VPS13C: variants seen among roughly 807,000 people sequenced by gnomAD.
VPS13C encodes vacuolar protein sorting 13 homolog C.
VPS13C carries 358 observed loss-of-function variants against 456.8 expected under a neutral mutation model. The observed-to-expected ratio is 0.78, with a 90% CI of 0.72 to 0.86. VPS13C has a LOEUF of 0.86. VPS13C is among the 40% of genes least tolerant of loss of function. The probability of loss-of-function intolerance (pLI) is 0.00; values close to 1 mark genes in which losing one functional copy is unlikely to be tolerated. For missense variants in VPS13C, 4,818 were observed against 4,385.4 expected, an observed-to-expected ratio of 1.10 and a Z score of -2.79; for synonymous variants, 1,578 against 1,486.7, an observed-to-expected ratio of 1.06 and a Z score of -1.41.
intron 5 of VPS13C, among the ~76,000 whole-genome samples, chr15:62,029,897 C>T (rs1437902802): frequency 6.6e-6 from 1 of 152,066 alleles, no homozygotes; most frequent in East Asian, 1.9e-4. Context: ...TCCGGTGCAT[C>T]CATTCTTAAA....
intron 57 of VPS13C, among the ~76,000 whole-genome samples, chr15:61,919,652 G>A (rs2043585504): frequency 6.6e-6 from 1 of 151,414 alleles, no homozygotes; most frequent in African/African-American, 2.4e-5. Flanking sequence ...GTTTTGCTTG[G>A]GGTTTTGAAT....
At chr15:62,024,141 G>A (rs924246717) in intron 6 of VPS13C, among the ~76,000 whole-genome samples, 1 of 151,860 alleles carries the variant, frequency 6.6e-6, no homozygotes, top group Non-Finnish European at 1.5e-5. Context: ...TAATATTAAT[G>A]ACTTTACAAA....
In VPS13C at chr15:61,961,696, C is replaced by T. The variant is rs750385052; in HGVS notation, c.3801G>A (p.Gly1267=). ...ISTNAVVVDL[G]LIRVHNQFSL... is the part of the protein sequence containing the mutation. ...TGAACTGATTATGAACTCTGATTAA[C>T]CCAAGATCTACCACTACTGCATTGG... is the stretch of plus-strand genomic sequence containing the variant. The change falls in exon 35 of 85, where the codon GGG becomes GGA. Residue 1267 remains glycine, a synonymous_variant. Transcript: ENST00000644861. 1.9e-6 allele frequency: 3 copies of T among 1,613,996 alleles called. No individual in the cohort carries two copies. Among genetic ancestry groups the T allele is most frequent in the Non-Finnish European group, 2.5e-6 (3 of 1,179,944 alleles).
At chr15:61,946,899 C>T (rs1343579362) in intron 43 of VPS13C, among the ~76,000 whole-genome samples, 1 of 152,024 alleles carries the variant, frequency 6.6e-6, no homozygotes, top group Non-Finnish European at 1.5e-5. Context: ...AGGAAACAGT[C>T]TTCTAAGATT....
rs2045418806 is a variant in VPS13C, at chr15:61,967,595, C to G, written c.2912-148G>C. 5 of 604,058 alleles carry G rather than the reference C, an allele frequency of 8.3e-6. No homozygotes were observed. In the East Asian group the frequency reaches 1.6e-4, roughly 20 times the overall value. 37.4% of individuals were successfully genotyped at this position (604,058 alleles called of 1,614,324 possible). A position where few individuals can be genotyped will look rare whatever the true frequency, so the allele number is the denominator to read the frequency against. The stretch of plus-strand genomic sequence containing the variant: ...TAGCTATTAAATACAAAGGCCATCA[C>G]TGTTGAAGAAATTAACCAATCCAAA... On this transcript the variant is annotated intron_variant, in intron 28 of 84. Coordinates refer to ENST00000644861, the MANE Select transcript of VPS13C (RefSeq NM_020821.3).
At chr15:62,020,608 G>A in intron 8 of VPS13C, 70 bp from the exon 9 acceptor site, 1 of 1,471,388 alleles carries the variant, frequency 6.8e-7, no homozygotes, top group Non-Finnish European at 9.4e-7. Flanking sequence ...TTTACAATAG[G>A]CAGCAGAGGG....
rs565760220 is a variant in VPS13C at position 61,870,913 on chromosome 15, T to C, written c.10624+1076A>G. ...TTATTGGCCATATGTATATCTTCTT[T>C]GGAGAAATGTCTATTCATATCTTTT... is the stretch of plus-strand genomic sequence containing the variant. On this transcript the variant is annotated intron_variant, in intron 79 of 84. Transcript: ENST00000644861. Among the ~76,000 whole-genome samples the C allele has an allele frequency of 2.8e-4, 42 of 152,332 alleles. 1 individual carries two copies. Among genetic ancestry groups the C allele is most frequent in the African/African-American group, 9.9e-4 (41 of 41,582 alleles).
chr15:61,936,750 C>A lies in VPS13C; in HGVS notation c.5602G>T (p.Val1868Phe), dbSNP rs1024369663. 1 of 1,597,984 alleles carries A rather than the reference C, an allele frequency of 6.3e-7. No individual in the cohort carries two copies. Among genetic ancestry groups the A allele is most frequent in the Non-Finnish European group, 8.5e-7 (1 of 1,175,336 alleles). ...GTCAAGTCATCTTCACTGAGAGCAACCTAGAAACCACCAATAATTTGTTAA... is the reference window on the plus strand; with the variant it reads ...GTCAAGTCATCTTCACTGAGAGCAAACTAGAAACCACCAATAATTTGTTAA... ...EIKGKLKPMQ[V>F]ALSEDDLTVL... is the part of the protein sequence containing the mutation. Residue 1868 changes from valine (V) to phenylalanine (F), a missense_variant and splice_region_variant, in exon 48 of 85, where the codon GTT (valine) becomes TTT (phenylalanine). Coordinates refer to ENST00000644861, the MANE Select transcript of VPS13C (RefSeq NM_020821.3).
At chr15:61,985,440 A>G (rs1156841606) in intron 18 of VPS13C, among the ~76,000 whole-genome samples, 2 of 152,046 alleles carry the variant, frequency 1.3e-5, no homozygotes, top group African/African-American at 2.4e-5. Context: ...TGTTTTTAGT[A>G]GAGATGGGGT....
At chr15:61,898,272 T>A (rs991627374) in intron 66 of VPS13C, among the ~76,000 whole-genome samples, 2 of 151,912 alleles carry the variant, frequency 1.3e-5, no homozygotes, top group African/African-American at 4.8e-5. Flanking sequence ...TAAATGTAAA[T>A]GGACTAAATG....
intron 12 of VPS13C, 21 bp downstream of exon 12, chr15:62,012,086 T>C (rs2047060526): frequency 7.4e-7 from 1 of 1,356,062 alleles, no homozygotes; most frequent in South Asian, 1.2e-5. Flanking sequence ...TAACATGAAA[T>C]AAACTTTTAC....
At position 62,012,179 on chromosome 15, in the gene VPS13C, T is replaced by A. The variant is rs763032715; in HGVS notation, c.826-15A>T. 5.4e-6 allele frequency: 8 copies of A among 1,473,418 alleles called. No homozygotes were observed. The East Asian group carries it at 1.6e-4, about 30-fold the overall frequency. 91.3% of individuals were successfully genotyped at this position (1,473,418 alleles called of 1,614,324 possible). On this transcript the variant is annotated splice_polypyrimidine_tract_variant and intron_variant, in intron 11 of 84. Transcript: ENST00000644861. ...TTCAGCTGATCCTAAACAAAAAATT[T>A]GAATGAGAATGAAAAAGAAAATGCA...
intron 16 of VPS13C, among the ~76,000 whole-genome samples, chr15:61,995,876 C>A (rs1282224748): frequency 2.0e-5 from 3 of 152,210 alleles, no homozygotes; most frequent in Non-Finnish European, 2.9e-5. Flanking sequence ...TTGTTTCAAG[C>A]CACTACGTTT....
chr15:61,990,960 A>T (rs1203734931), intron 18 of VPS13C, 40 bp downstream of exon 18: 2 of 1,383,058 alleles, frequency 1.4e-6, no homozygotes, highest in South Asian at 2.4e-5. Flanking sequence ...CTAATATAGT[A>T]CAATGAGACA....
rs952643911 is a variant in VPS13C at position 61,896,371 on chromosome 15, T to C, written c.9106-5971A>G. On this transcript the variant is annotated intron_variant, in intron 66 of 84. Transcript: ENST00000644861. Reference sequence around the variant, plus strand: ...CATCTCACTAGGGAGTGCCAGACAGTGGGCACAGGTCAGTGGGTGCACGCA... The same window carrying C: ...CATCTCACTAGGGAGTGCCAGACAGCGGGCACAGGTCAGTGGGTGCACGCA... 7.2e-5 allele frequency among the ~76,000 whole-genome samples: 11 copies of C among 152,132 alleles called. No homozygotes were observed. In the East Asian group the frequency reaches 2.1e-3, roughly 30 times the overall value.
At chr15:61,945,328 A>G (rs1247228930) in intron 45 of VPS13C, among the ~76,000 whole-genome samples, 2 of 152,240 alleles carry the variant, frequency 1.3e-5, no homozygotes, top group African/African-American at 4.8e-5. Context: ...GTTGATCACA[A>G]TCATAACCAA....
At position 61,961,673 on chromosome 15, in the gene VPS13C, A is replaced by T; in HGVS notation, c.3824T>A (p.Phe1275Tyr). Residue 1275 changes from phenylalanine to tyrosine, a missense_variant, in exon 35 of 85, where the codon TTC becomes TAC. Physicochemically the swap from Phe to Tyr is conservative, Grantham distance 22. Around this residue, in one of 3 missense-constraint regions of VPS13C, gnomAD observed 4,552 missense variants for 4,130.6 expected, o/e 1.10. Coordinates refer to ENST00000644861, the MANE Select transcript of VPS13C (RefSeq NM_020821.3). The part of the protein sequence containing the change: ...DLGLIRVHNQ[F>Y]SLVSDEDYLN... ...GTAGTCTTCATCAGACACCAGACTGAACTGATTATGAACTCTGATTAACCC... is the reference window on the plus strand; with the variant it reads ...GTAGTCTTCATCAGACACCAGACTGTACTGATTATGAACTCTGATTAACCC... The T allele has an allele frequency of 6.2e-7, 1 of 1,614,068 alleles. No individual in the cohort carries two copies. The highest frequency in any genetic ancestry group is 1.3e-5 in the African/African-American group (1 of 75,054).
Position 61,869,626 on chromosome 15 carries a change from T to C in VPS13C, c.10625-3A>G. On this transcript the variant is annotated splice_region_variant and splice_polypyrimidine_tract_variant and intron_variant, in intron 79 of 84. Transcript: ENST00000644861. ...AGCAGCTCCTTCCTTTTTGGCACCT[T>C]CAGAAAACCAATGACCATGAATGGA... 6.2e-7 allele frequency: 1 copy of C among 1,614,044 alleles called. No homozygotes were observed. Among genetic ancestry groups the C allele is most frequent in the Non-Finnish European group, 8.5e-7 (1 of 1,179,980 alleles).
At chr15:61,864,782 C>T (rs1029101774) in intron 81 of VPS13C, 10 of 984,950 alleles carry the variant, frequency 1.0e-5, no homozygotes, top group African/African-American at 5.2e-5. Context: ...TTCACTTGTG[C>T]GAATTAGTTA....
Sources: gnomAD v4.1 joint callset for allele counts (sites outside exome capture counted in the v4.1 genomes callset) on GRCh38, gnomAD v4.1.1 for gene constraint, gnomAD v4.1.1 regional missense constraint, MANE v1.5 for transcripts, NCBI Gene and HGNC (gene_info 2026-07-23, HGNC 2026-07-21) for gene names.